The following ROBO2 variants were observed in gnomAD, a reference collection of about 807,000 sequenced individuals.
ROBO2 encodes the protein roundabout guidance receptor 2.
In ROBO2, 53 loss-of-function variants were observed where a neutral mutation model predicts 160.8. The ratio of observed to expected loss-of-function variants is 0.33; its 90% CI spans 0.26 to 0.41. The LOEUF (loss-of-function observed/expected upper bound fraction) is 0.41, where lower values mean the gene tolerates loss of function less well. Among genes scored for constraint, ROBO2 ranks in the 10% least tolerant of loss-of-function variants. The pLI is 1.00. For missense variants in ROBO2, 1,577 were observed against 1,722.4 expected (o/e 0.92, Z 1.49); for synonymous variants, 664 against 611.7 (o/e 1.09, Z -1.26).
At chr3:76,718,643 G>A (rs1254395709) in intron 2 of ROBO2, among the ~76,000 whole-genome samples, 1 of 152,164 alleles carries the variant, frequency 6.6e-6, no homozygotes, top group Non-Finnish European at 1.5e-5. Context: ...CAGGGCATTA[G>A]TGATGTAGGT....
At chr3:76,166,865 G>A (rs1175957399) in intron 2 of ROBO2, among the ~76,000 whole-genome samples, 7 of 152,096 alleles carry the variant, frequency 4.6e-5, no homozygotes, top group Admixed American at 2.6e-4. Context: ...GCTTTAAGTT[G>A]GCCTGACATG....
At chr3:77,196,592 A>G (rs1236439960) in intron 2 of ROBO2, among the ~76,000 whole-genome samples, 4 of 152,042 alleles carry the variant, frequency 2.6e-5, no homozygotes, top group Non-Finnish European at 5.9e-5. Context: ...CTTAATCAGA[A>G]TATACTTAAA....
intron 2 of ROBO2, among the ~76,000 whole-genome samples, chr3:76,895,227 G>A (rs2148839298): frequency 6.6e-6 from 1 of 152,006 alleles, no homozygotes; most frequent in South Asian, 2.1e-4. Flanking sequence ...TAAAAGGAAA[G>A]CTTATAAAGG....
chr3:77,469,719 T>C (rs13072039), intron 2 of ROBO2, among the ~76,000 whole-genome samples: 82,723 of 151,932 alleles, frequency 0.54, 22,766 homozygotes, highest in Admixed American at 0.65. Flanking sequence ...GCCAAGAGGA[T>C]TCTATTTCTT....
intron 2 of ROBO2, among the ~76,000 whole-genome samples, chr3:76,986,755 G>A (rs988092081): frequency 1.3e-5 from 2 of 152,094 alleles, no homozygotes; most frequent in African/African-American, 4.8e-5. Flanking sequence ...TGTGGTATTT[G>A]TATTATAATA....
chr3:76,688,813 T>A (rs183534221), intron 2 of ROBO2, among the ~76,000 whole-genome samples: 2 of 152,214 alleles, frequency 1.3e-5, no homozygotes, highest in Admixed American at 1.3e-4. Context: ...CATTTCATAA[T>A]CTCTCCTTTC....
At chr3:76,671,488 A>G (rs547811888) in intron 2 of ROBO2, among the ~76,000 whole-genome samples, 1 of 152,180 alleles carries the variant, frequency 6.6e-6, no homozygotes, top group Non-Finnish European at 1.5e-5. Context: ...CATGGCTCAC[A>G]CAATACTTCT....
chr3:76,257,834 T>A (rs1311038554), intron 2 of ROBO2, among the ~76,000 whole-genome samples: 2 of 152,296 alleles, frequency 1.3e-5, no homozygotes, highest in East Asian at 3.9e-4. Flanking sequence ...CATATGTTCA[T>A]AAGTCATCAA....
intron 16 of ROBO2, among the ~76,000 whole-genome samples, chr3:77,584,892 A>ATG (rs71104693): frequency 0.58 from 84,875 of 147,216 alleles, 24,474 homozygotes; most frequent in Middle Eastern, 0.72. Flanking sequence ...ATATATATGT[A>ATG]TGTGTGTGTG....
chr3:76,981,664 C>A (rs1404933906), intron 2 of ROBO2, among the ~76,000 whole-genome samples: 2 of 152,040 alleles, frequency 1.3e-5, no homozygotes, highest in Non-Finnish European at 2.9e-5. Flanking sequence ...TAAAGAAATA[C>A]CTAAGACTGG....
At chr3:76,982,782 G>GA (rs1469201704) in intron 2 of ROBO2, among the ~76,000 whole-genome samples, 1 of 152,060 alleles carries the variant, frequency 6.6e-6, no homozygotes, top group African/African-American at 2.4e-5. Flanking sequence ...AAATTGTATT[G>GA]AAAATGATAT....
At chr3:76,545,738 TA>T (rs898065321) in intron 2 of ROBO2, among the ~76,000 whole-genome samples, 40 of 152,114 alleles carry the variant, frequency 2.6e-4, no homozygotes, top group African/African-American at 9.6e-4. Context: ...TGTATTTTCT[TA>T]ATTTATCTTA....
At chr3:76,274,295 C>T (rs566196214) in intron 2 of ROBO2, among the ~76,000 whole-genome samples, 1 of 151,744 alleles carries the variant, frequency 6.6e-6, no homozygotes, top group South Asian at 2.1e-4. Context: ...CACATGTATA[C>T]ATATGTAACT....
At chr3:77,167,706 G>T (rs1473735639) in intron 2 of ROBO2, among the ~76,000 whole-genome samples, 1 of 152,048 alleles carries the variant, frequency 6.6e-6, no homozygotes, top group Non-Finnish European at 1.5e-5. Context: ...GTATCTTGTT[G>T]TGTACATTAG....
intron 2 of ROBO2, among the ~76,000 whole-genome samples, 178 bp from the exon 3 acceptor site, chr3:77,477,236 G>A (rs2084119757): frequency 6.6e-6 from 1 of 152,146 alleles, no homozygotes; most frequent in Admixed American, 6.6e-5. Flanking sequence ...CCATTCTCCT[G>A]TTGATGATCA....
intron 2 of ROBO2, among the ~76,000 whole-genome samples, chr3:76,156,143 T>G (rs2072397878): frequency 6.6e-6 from 1 of 152,134 alleles, no homozygotes; most frequent in Admixed American, 6.5e-5. Context: ...TAGGATTACT[T>G]TTTCTGAATC....
intron 2 of ROBO2, among the ~76,000 whole-genome samples, chr3:76,548,082 A>G (rs2083209916): frequency 6.6e-6 from 1 of 151,926 alleles, no homozygotes; most frequent in Admixed American, 6.6e-5. Context: ...CATATATAAA[A>G]CTCACTACTT....
chr3:76,726,701 T>C (rs2093558326), intron 2 of ROBO2, among the ~76,000 whole-genome samples: 1 of 152,214 alleles, frequency 6.6e-6, no homozygotes, highest in Non-Finnish European at 1.5e-5. Context: ...AGTTAACTCT[T>C]ATGATATCAG....
chr3:75,983,062 A>T (rs1009273371), intron 2 of ROBO2, among the ~76,000 whole-genome samples: 1 of 151,516 alleles, frequency 6.6e-6, no homozygotes, highest in African/African-American at 2.4e-5. Flanking sequence ...ATTTGTCATC[A>T]GTAATCAGGA....
Sources: gnomAD v4.1 joint callset for allele counts (sites outside exome capture counted in the v4.1 genomes callset) on GRCh38, gnomAD v4.1.1 for gene constraint, MANE v1.5 for transcripts, NCBI Gene and HGNC (gene_info 2026-07-23, HGNC 2026-07-21) for gene names.